Variants in TIMM44 observed in about 807,000 individuals in gnomAD.
TIMM44 encodes translocase of inner mitochondrial membrane 44.
In TIMM44, 37 loss-of-function variants were observed where a neutral mutation model predicts 63.8. The ratio of observed to expected loss-of-function variants is 0.58; its 90% CI spans 0.45 to 0.76. The LOEUF (loss-of-function observed/expected upper bound fraction) is 0.76. TIMM44 is among the 30% of genes least tolerant of loss of function. The pLI is 0.00. For missense variants in TIMM44, 573 were observed against 603.8 expected, an observed-to-expected ratio of 0.95 and a Z score of 0.54; for synonymous variants, 239 against 245.1, an observed-to-expected ratio of 0.98 and a Z score of 0.23.
intron 3 of TIMM44, among the ~76,000 whole-genome samples, chr19:7,937,151 C>T (rs925366364): frequency 3.3e-5 from 5 of 150,730 alleles, no homozygotes; most frequent in Non-Finnish European, 5.9e-5. Context: ...TGGTGGCGGG[C>T]GCCTGTAATC....
intron 1 of TIMM44, among the ~76,000 whole-genome samples, chr19:7,942,582 G>T (rs1984339104): frequency 1.3e-5 from 2 of 151,704 alleles, no homozygotes; most frequent in African/African-American, 4.9e-5. Context: ...TCTGTTCTCT[G>T]CCTCCTACCT....
chr19:7,938,951 T>C (rs544455443), intron 2 of TIMM44, among the ~76,000 whole-genome samples: 1 of 152,202 alleles, frequency 6.6e-6, no homozygotes, highest in East Asian at 1.9e-4. Flanking sequence ...ATTCCAACTA[T>C]AGACCGTTCT....
chr19:7,926,989 G>A lies in TIMM44; in HGVS notation c.*198C>T, dbSNP rs1340048552. The A allele has an allele frequency of 1.4e-6, 1 of 733,578 alleles. No individual in the cohort carries two copies. The highest frequency in any genetic ancestry group is 2.3e-5 in the Admixed American group (1 of 43,912). The allele number at this position is 733,578 out of a possible 1,614,324, so 45.4% of individuals were successfully genotyped here. ...CAACAGGGCAGGGGTTGGCCCTGCGGGGGAGTGTCTCCAGCTGCCGCGCAC... is the reference window on the plus strand; with the variant it reads ...CAACAGGGCAGGGGTTGGCCCTGCGAGGGAGTGTCTCCAGCTGCCGCGCAC... On this transcript the variant is annotated 3_prime_UTR_variant, in exon 13 of 13. Coordinates refer to ENST00000270538, the MANE Select transcript of TIMM44 (RefSeq NM_006351.4).
chr19:7,934,129 T>TC lies in TIMM44; in HGVS notation c.502dup (p.Glu168GlyfsTer24). ...GAAGGCCGCTGTCCTGCCCAGCTTC[T>TC]CCCCGCCTTTGGATACCGACTCGGC... On this transcript the variant is annotated frameshift_variant, in exon 5 of 13. Coordinates refer to ENST00000270538, the MANE Select transcript of TIMM44 (RefSeq NM_006351.4). LOFTEE classifies it high-confidence loss of function. This position sits in a 1 kb window ranked among gnomAD's most constrained non-coding sequence, Gnocchi z 5.3. 1 of 1,613,432 alleles carries TC rather than the reference T, an allele frequency of 6.2e-7. No individual in the cohort carries two copies. Among genetic ancestry groups the TC allele is most frequent in the Non-Finnish European group, 8.5e-7 (1 of 1,179,958 alleles).
At chr19:7,928,369 C>G (rs1490739580) in intron 10 of TIMM44, 2 of 589,580 alleles carry the variant, frequency 3.4e-6, no homozygotes, top group Admixed American at 3.0e-5. Context: ...CTGGGAACAA[C>G]ACTCTATCCA....
intron 2 of TIMM44, 104 bp downstream of exon 2, chr19:7,940,998 T>G: frequency 1.1e-6 from 1 of 892,222 alleles, no homozygotes; most frequent in East Asian, 2.5e-5. Flanking sequence ...ACCACCGAGA[T>G]GGTACGAGCC....
chr19:7,935,173 T>TC (rs1438224418), intron 3 of TIMM44, 28 bp from the exon 4 acceptor site: 1 of 1,539,302 alleles, frequency 6.5e-7, no homozygotes, highest in East Asian at 2.3e-5. Context: ...TGTCCTTTTT[T>TC]TTTTTTTTTT....
Position 7,933,693 on chromosome 19 carries a change from T to C in TIMM44, c.684-123A>G. 7.7e-7 allele frequency: 1 copy of C among 1,303,560 alleles called. No individual in the cohort carries two copies. Among genetic ancestry groups the C allele is most frequent in the Non-Finnish European group, 1.1e-6 (1 of 906,806 alleles). The allele number at this position is 1,303,560 out of a possible 1,614,324, so 80.7% of individuals were successfully genotyped here. On this transcript the variant is annotated intron_variant, in intron 6 of 12. Transcript: ENST00000270538. The surrounding 1 kb of genome is among the most constrained non-coding windows in gnomAD (Gnocchi z 4.3). Reference sequence around the variant, plus strand: ...GCTGAGACCTCAAACCTAGGGGCTCTGAGGACCCCGCCCTCACCTCTCACC... The same window carrying C: ...GCTGAGACCTCAAACCTAGGGGCTCCGAGGACCCCGCCCTCACCTCTCACC...
In TIMM44 at chr19:7,933,646, G is replaced by T; in HGVS notation, c.684-76C>A. ...GTGCCCTCCTGCGGCTGCAGGCAGG[G>T]GGCAGTACAGGACAGCAGGCAGCTG... On this transcript the variant is annotated intron_variant, in intron 6 of 12. Coordinates refer to ENST00000270538, the MANE Select transcript of TIMM44 (RefSeq NM_006351.4). This position sits in a 1 kb window ranked among gnomAD's most constrained non-coding sequence, Gnocchi z 4.3. The T allele has an allele frequency of 7.2e-7, 1 of 1,393,188 alleles. No homozygotes were observed. Among genetic ancestry groups the T allele is most frequent in the Non-Finnish European group, 1.0e-6 (1 of 980,334 alleles). 86.3% of individuals were successfully genotyped at this position (1,393,188 alleles called of 1,614,324 possible).
intron 1 of TIMM44, among the ~76,000 whole-genome samples, chr19:7,941,553 G>A (rs1984312871): frequency 6.6e-6 from 1 of 151,988 alleles, no homozygotes. Flanking sequence ...GTTTTCCAAA[G>A]TGCTGGGATT....
In TIMM44 at chr19:7,933,903, C is replaced by T. The variant is rs1244344334; in HGVS notation, c.644G>A (p.Gly215Glu). Residue 215 changes from glycine to glutamate, a missense_variant, in exon 6 of 13, where the codon GGA becomes GAA. Physicochemically the swap from Gly to Glu is moderately conservative, Grantham distance 98. Transcript: ENST00000270538. This position sits in a 1 kb window ranked among gnomAD's most constrained non-coding sequence, Gnocchi z 4.3. ...QRLRKRTEFA[G>E]DKFKEEKVFE... ...CACTTTCTCCTCCTTGAACTTATCT[C>T]CCGCAAACTCCGTTCTCTTCCGGAG... The T allele has an allele frequency of 1.2e-6, 2 of 1,614,068 alleles. No homozygotes were observed. Among genetic ancestry groups the T allele is most frequent in the African/African-American group, 2.7e-5 (2 of 74,926 alleles).
chr19:7,932,797 C>G, intron 8 of TIMM44, 43 bp downstream of exon 8: 1 of 1,614,056 alleles, frequency 6.2e-7, no homozygotes, highest in Non-Finnish European at 8.5e-7. Flanking sequence ...CCGGGGACCC[C>G]GCCCCACCAC....
chr19:7,941,063 C>T (rs775568695), intron 2 of TIMM44, 39 bp downstream of exon 2: 2 of 1,561,216 alleles, frequency 1.3e-6, no homozygotes, highest in South Asian at 1.1e-5. Flanking sequence ...TTTCGGGCCT[C>T]CCCTGTGTCT....
rs552989771 is a variant in TIMM44, at chr19:7,927,039, C to T, written c.*148G>A. The T allele has an allele frequency of 1.8e-5, 22 of 1,224,428 alleles. 1 individual carries two copies. The African/African-American group carries it at 2.5e-4, about 14-fold the overall frequency. 75.8% of individuals were successfully genotyped at this position (1,224,428 alleles called of 1,614,324 possible). ...CCCGCAACAGCCCGTTGTCCCCTCCCGGGCCAGCTGGTCTTGCAGCCGTCC... is the reference window on the plus strand; with the variant it reads ...CCCGCAACAGCCCGTTGTCCCCTCCTGGGCCAGCTGGTCTTGCAGCCGTCC... On this transcript the variant is annotated 3_prime_UTR_variant, in exon 13 of 13. Coordinates refer to ENST00000270538, the MANE Select transcript of TIMM44 (RefSeq NM_006351.4).
rs145367577 is a variant in TIMM44 at position 7,928,257 on chromosome 19, G to A, written c.1039-91C>T. 520 of 1,132,360 alleles carry A rather than the reference G, an allele frequency of 4.6e-4. 3 individuals are homozygous for A. The African/African-American group carries it at 6.7e-3, about 15-fold the overall frequency. 70.1% of individuals were successfully genotyped at this position (1,132,360 alleles called of 1,614,324 possible). On this transcript the variant is annotated intron_variant, in intron 10 of 12. Transcript: ENST00000270538. ...GCTGCCCACACACCCTGGCGCCCAG[G>A]TGCCCTGCCGCCAGCCAGCAATGGC...
At chr19:7,931,497 C>T (rs1465169061) in intron 9 of TIMM44, 11 of 422,016 alleles carry the variant, frequency 2.6e-5, no homozygotes, top group Non-Finnish European at 2.2e-5. Context: ...GGGGACCCAG[C>T]TTTCAGCCTG....
chr19:7,927,786 G>A lies in TIMM44; in HGVS notation c.1129-19C>T, dbSNP rs772027265. ...TGGCCAGCTGCAGAGGGGCCGAGAG[G>A]GGGGATGTGCCTCAGAGGACAGCCC... is the stretch of plus-strand genomic sequence containing the variant. On this transcript the variant is annotated intron_variant, in intron 11 of 12. Coordinates refer to ENST00000270538, the MANE Select transcript of TIMM44 (RefSeq NM_006351.4). The A allele has an allele frequency of 3.7e-6, 6 of 1,605,728 alleles. No homozygotes were observed. In the African/African-American group the frequency reaches 4.0e-5, roughly 11 times the overall value.
rs1389641492 is a variant in TIMM44 at position 7,935,046 on chromosome 19, G to C, written c.393+19C>G. On this transcript the variant is annotated intron_variant, in intron 4 of 12. Transcript: ENST00000270538. ...ACTTTGATGGCCCCAGCGGCTCCAGGCGGGCGTGGAACTGTTACCTCCTTC... is the reference window on the plus strand; with the variant it reads ...ACTTTGATGGCCCCAGCGGCTCCAGCCGGGCGTGGAACTGTTACCTCCTTC... 6.2e-7 allele frequency: 1 copy of C among 1,608,070 alleles called. No homozygotes were observed.
Position 7,933,933 on chromosome 19 carries a change from T to C in TIMM44, c.614A>G (p.Gln205Arg). 1 of 1,614,118 alleles carries C rather than the reference T, an allele frequency of 6.2e-7. No homozygotes were observed. Among genetic ancestry groups the C allele is most frequent in the East Asian group, 2.2e-5 (1 of 44,866 alleles). The change falls in exon 6 of 13, where the codon CAG (glutamine) becomes CGG (arginine). Residue 205 changes from glutamine to arginine, a missense_variant. Physicochemically the swap from Gln to Arg is conservative, Grantham distance 43 (BLOSUM62 1). Transcript: ENST00000270538. The surrounding 1 kb of genome is among the most constrained non-coding windows in gnomAD (Gnocchi z 4.3). ...AAACTCCGTTCTCTTCCGGAGTCGCTGGGGCCTCCGGTAGGGCCCGGTCTG... is the reference window on the plus strand; with the variant it reads ...AAACTCCGTTCTCTTCCGGAGTCGCCGGGGCCTCCGGTAGGGCCCGGTCTG... ...LGQTGPYRRP[Q>R]RLRKRTEFAG...
Sources: gnomAD v4.1 joint callset for allele counts (sites outside exome capture counted in the v4.1 genomes callset) on GRCh38, gnomAD v4.1.1 for gene constraint, Gnocchi (gnomAD v3.1) non-coding constraint, MANE v1.5 for transcripts, NCBI Gene and HGNC (gene_info 2026-07-23, HGNC 2026-07-21) for gene names.